Variants in SUCO observed in about 807,000 individuals in gnomAD.
SUCO encodes SUN domain-containing ossification factor.
In SUCO, 57 loss-of-function variants were observed where a neutral mutation model predicts 148.1. That is an observed-to-expected ratio of 0.38 (90% CI 0.31 to 0.48). The LOEUF (loss-of-function observed/expected upper bound fraction) is 0.48. Among genes scored for constraint, SUCO ranks in the 20% least tolerant of loss-of-function variants. SUCO has a pLI of 0.96. For synonymous variants in SUCO, 470 were observed against 502.7 expected, an observed-to-expected ratio of 0.93 and a Z score of 0.87; for missense variants, 1,331 against 1,468.2, an observed-to-expected ratio of 0.91 and a Z score of 1.53.
intron 22 of SUCO, among the ~76,000 whole-genome samples, chr1:172,606,505 G>A (rs2149273568): frequency 6.6e-6 from 1 of 151,682 alleles, no homozygotes; most frequent in Admixed American, 6.6e-5. Context: ...TTTGTCCCAA[G>A]CCTTATTTAT....
At chr1:172,597,955 AT>A (rs1422185911) in intron 19 of SUCO, among the ~76,000 whole-genome samples, 1 of 152,106 alleles carries the variant, frequency 6.6e-6, no homozygotes, top group African/African-American at 2.4e-5. Flanking sequence ...GAAGTTTTTG[AT>A]TTGTTGAAGC....
rs776505827 is a variant in SUCO at position 172,557,437 on chromosome 1, T to C, written c.581+20T>C. 6.2e-7 allele frequency: 1 copy of C among 1,613,438 alleles called. No individual in the cohort carries two copies. The highest frequency in any genetic ancestry group is 1.1e-5 in the South Asian group (1 of 90,986). ...TGACAGGTGGGTAGGAGCAGTTGTT[T>C]GTCCTTCTTATGATTCTGTAATAAC... On this transcript the variant is annotated intron_variant, in intron 5 of 23. Transcript: ENST00000263688.
rs1658187257 is a variant in SUCO at position 172,611,143 on chromosome 1, T to A, written c.*884T>A. ...ATATAAAATTTGAAGGTTTGGCCAA[T>A]TAGTACAAGTCTCATGATATAATCA... On this transcript the variant is annotated 3_prime_UTR_variant, in exon 24 of 24. Transcript: ENST00000263688. The A allele has an allele frequency of 6.6e-6, 1 of 152,662 alleles. No homozygotes were observed. Among genetic ancestry groups the A allele is most frequent in the African/African-American group, 2.4e-5 (1 of 41,462 alleles). The allele number at this position is 152,662 out of a possible 1,614,324, so 9.5% of individuals were successfully genotyped here.
intron 16 of SUCO, 32 bp from the exon 17 acceptor site, chr1:172,585,826 G>A (rs1180555904): frequency 7.1e-7 from 1 of 1,402,382 alleles, no homozygotes; most frequent in Admixed American, 2.1e-5. Context: ...TTTTAAAATT[G>A]AACTCAACAT....
intron 15 of SUCO, among the ~76,000 whole-genome samples, chr1:172,581,650 G>A (rs369071120): frequency 6.6e-6 from 1 of 152,168 alleles, no homozygotes. Context: ...AATGTCTTGA[G>A]TTTGACTATA....
chr1:172,556,621 C>T, intron 4 of SUCO: 1 of 984,596 alleles, frequency 1.0e-6, no homozygotes, highest in Middle Eastern at 5.2e-4. Flanking sequence ...AGAAGAATAA[C>T]TGGTACATAA....
At chr1:172,559,537 G>T (rs527491773) in intron 6 of SUCO, among the ~76,000 whole-genome samples, 20 of 152,294 alleles carry the variant, frequency 1.3e-4, no homozygotes, top group Middle Eastern at 6.8e-3. Flanking sequence ...TAATTGAAGC[G>T]GCAGTGTACA....
chr1:172,555,074 C>G (rs1444518089), intron 3 of SUCO, among the ~76,000 whole-genome samples: 1 of 151,978 alleles, frequency 6.6e-6, no homozygotes, highest in South Asian at 2.1e-4. Flanking sequence ...ACTTGATATT[C>G]ATTTATTGAG....
intron 19 of SUCO, among the ~76,000 whole-genome samples, chr1:172,591,724 G>A (rs868299967): frequency 1.3e-5 from 2 of 152,004 alleles, no homozygotes; most frequent in African/African-American, 2.4e-5. Context: ...ATTGTGAATA[G>A]TGCCACAGTA....
chr1:172,550,384 G>C (rs539669472), intron 1 of SUCO, among the ~76,000 whole-genome samples: 13 of 151,928 alleles, frequency 8.6e-5, no homozygotes, highest in Admixed American at 1.3e-4. Flanking sequence ...ACACGTTATT[G>C]TTTCTATCAT....
intron 6 of SUCO, among the ~76,000 whole-genome samples, chr1:172,563,014 C>A (rs1654298396): frequency 6.6e-6 from 1 of 152,188 alleles, no homozygotes; most frequent in Admixed American, 6.5e-5. Flanking sequence ...CTTGCTTCCC[C>A]TTTGCCCTTC....
At chr1:172,551,414 A>G (rs531645449) in intron 1 of SUCO, 98 bp from the exon 2 acceptor site, 1 of 654,732 alleles carries the variant, frequency 1.5e-6, no homozygotes, top group Non-Finnish European at 2.6e-6. Flanking sequence ...TTATCGCCTC[A>G]AATTCTAGCC....
rs1656885244 is a variant in SUCO, at chr1:172,594,032, ATT to A, written c.2913+2963_2913+2964del. ...GGTGTATGTGTCCAGGAATTTATCC[ATT>A]TCTTCTGGATTTTCTAGTTTATTTG... is the stretch of plus-strand genomic sequence containing the variant. On this transcript the variant is annotated intron_variant, in intron 19 of 23. Transcript: ENST00000263688. Among the ~76,000 whole-genome samples, 3 of 151,924 alleles carry A rather than the reference ATT, an allele frequency of 2.0e-5. No individual in the cohort carries two copies. In the South Asian group the frequency reaches 6.2e-4, roughly 31 times the overall value.
intron 15 of SUCO, 85 bp from the exon 16 acceptor site, chr1:172,584,933 C>A: frequency 1.2e-6 from 1 of 869,090 alleles, no homozygotes; most frequent in South Asian, 2.0e-5. Context: ...AAAGATCATT[C>A]TAAATGATTT....
Position 172,589,358 on chromosome 1 carries a change from G to T in SUCO, c.2257G>T (p.Val753Phe), listed in dbSNP as rs763713837. The T allele has an allele frequency of 3.1e-6, 5 of 1,613,718 alleles. No individual in the cohort carries two copies. The highest frequency in any genetic ancestry group is 4.2e-6 in the Non-Finnish European group (5 of 1,179,846). ...PLPKIEVSES[V>F]EYEAGHIPSP... ...GCCTAAAATAGAAGTATCTGAGTCT[G>T]TTGAATATGAGGCAGGACATATACC... The change falls in exon 18 of 24, where the codon GTT becomes TTT. Residue 753 changes from valine to phenylalanine, a missense_variant. Coordinates refer to ENST00000263688, the MANE Select transcript of SUCO (RefSeq NM_014283.5).
chr1:172,550,090 T>G (rs1450950722), intron 1 of SUCO, among the ~76,000 whole-genome samples: 1 of 151,928 alleles, frequency 6.6e-6, no homozygotes, highest in African/African-American at 2.4e-5. Context: ...GTCTTTCTAG[T>G]CACCCTGGGG....
intron 1 of SUCO, among the ~76,000 whole-genome samples, chr1:172,535,578 T>C (rs1204439860): frequency 6.6e-6 from 1 of 152,214 alleles, no homozygotes; most frequent in African/African-American, 2.4e-5. Context: ...GTATTTCTTT[T>C]CCCAACAACC....
At chr1:172,533,583 C>G (rs1009939070) in intron 1 of SUCO, 86 bp downstream of exon 1, 11 of 1,428,958 alleles carry the variant, frequency 7.7e-6, no homozygotes, top group Non-Finnish European at 1.0e-5. Context: ...GTCATTTTGG[C>G]TTTTAGGGTC....
In SUCO at chr1:172,589,604, G is replaced by C. The variant is rs547712281; in HGVS notation, c.2503G>C (p.Asp835His). Reference protein sequence around the residue: ...VPPINTATVPDNEDGEAKMNI... With the variant: ...VPPINTATVPHNEDGEAKMNI... Reference sequence around the variant, plus strand: ...ACCAATAAATACAGCCACTGTACCCGACAATGAAGATGGGGAAGCCAAAAT... The same window carrying C: ...ACCAATAAATACAGCCACTGTACCCCACAATGAAGATGGGGAAGCCAAAAT... Residue 835 changes from aspartate to histidine, a missense_variant, in exon 18 of 24, where the codon GAC becomes CAC. Around this residue, in one of 3 missense-constraint regions of SUCO, gnomAD observed 992 missense variants for 1,093.5 expected, o/e 0.91. Coordinates refer to ENST00000263688, the MANE Select transcript of SUCO (RefSeq NM_014283.5). 3 of 1,613,846 alleles carry C rather than the reference G, an allele frequency of 1.9e-6. No individual in the cohort carries two copies. Among genetic ancestry groups the C allele is most frequent in the Non-Finnish European group, 2.5e-6 (3 of 1,179,890 alleles).
Sources: allele counts gnomAD v4.1 joint callset (sites outside exome capture counted in the v4.1 genomes callset), GRCh38; gene constraint gnomAD v4.1.1; regional missense constraint gnomAD v4.1.1; transcripts MANE v1.5; gene names NCBI Gene and HGNC (gene_info 2026-07-23, HGNC 2026-07-21).